Variants in IQUB observed in about 807,000 individuals in gnomAD.
IQUB encodes the protein IQ motif and ubiquitin-like domain-containing protein.
A neutral mutation model predicts 86.4 loss-of-function variants in IQUB; 86 were observed. That is an observed-to-expected ratio of 1.00 (90% CI 0.84 to 1.19). The LOEUF is 1.19. Among genes scored for constraint, IQUB ranks in the 50% most tolerant of loss-of-function variants. IQUB has a pLI of 0.00. For synonymous variants in IQUB, 289 were observed against 304.5 expected, an observed-to-expected ratio of 0.95 and a Z score of 0.53; for missense variants, 946 against 916.9, an observed-to-expected ratio of 1.03 and a Z score of -0.41.
At chr7:123,512,939 G>T (rs949939036) in intron 1 of IQUB, among the ~76,000 whole-genome samples, 1 of 152,150 alleles carries the variant, frequency 6.6e-6, no homozygotes, top group African/African-American at 2.4e-5. Context: ...GCATCTAAAA[G>T]CTTGGGCCAG....
At chr7:123,522,384 C>T (rs537840355) in intron 1 of IQUB, among the ~76,000 whole-genome samples, 6 of 152,300 alleles carry the variant, frequency 3.9e-5, no homozygotes, top group Admixed American at 2.0e-4. Flanking sequence ...TAGGGTAAAA[C>T]GCCAGACCCC....
intron 1 of IQUB, among the ~76,000 whole-genome samples, chr7:123,525,027 A>C (rs1208924329): frequency 4.1e-4 from 63 of 152,258 alleles, no homozygotes; most frequent in Admixed American, 4.1e-3. Context: ...ATATTGAACC[A>C]GGCTTGTATC....
At chr7:123,507,012 T>G (rs1182456713) in intron 3 of IQUB, among the ~76,000 whole-genome samples, 1 of 152,254 alleles carries the variant, frequency 6.6e-6, no homozygotes, top group Non-Finnish European at 1.5e-5. Flanking sequence ...GACTGGCTGC[T>G]GTTTTGTGTC....
chr7:123,471,381 G>C (rs1240024032), intron 8 of IQUB, among the ~76,000 whole-genome samples: 1 of 152,086 alleles, frequency 6.6e-6, no homozygotes, highest in Non-Finnish European at 1.5e-5. Context: ...GTTTTTAAAG[G>C]CTAGGGCTAA....
intron 1 of IQUB, among the ~76,000 whole-genome samples, chr7:123,515,252 A>G (rs1796591880): frequency 6.6e-6 from 1 of 152,182 alleles, no homozygotes; most frequent in Non-Finnish European, 1.5e-5. Flanking sequence ...ACCCCAAACT[A>G]GCCAAGATGG....
intron 8 of IQUB, among the ~76,000 whole-genome samples, chr7:123,472,115 G>A (rs1452119994): frequency 6.6e-6 from 1 of 151,890 alleles, no homozygotes; most frequent in African/African-American, 2.4e-5. Flanking sequence ...GCACTCACCT[G>A]TAATCCCAGC....
chr7:123,471,865 A>G (rs1364900956), intron 8 of IQUB, among the ~76,000 whole-genome samples: 1 of 152,200 alleles, frequency 6.6e-6, no homozygotes, highest in Non-Finnish European at 1.5e-5. Context: ...CAGTGACTAC[A>G]GGCAATGAAA....
At chr7:123,512,707 A>G (rs1196951221) in intron 1 of IQUB, among the ~76,000 whole-genome samples, 2 of 152,310 alleles carry the variant, frequency 1.3e-5, no homozygotes, top group East Asian at 3.9e-4. Flanking sequence ...TAGCATTACA[A>G]ATGATTAGAA....
At position 123,469,490 on chromosome 7, in the gene IQUB, T is replaced by A. The variant is rs11505955; in HGVS notation, c.1411-106A>T. The A allele has an allele frequency of 4.7e-3, 2,470 of 524,084 alleles. 38 individuals are homozygous for A. The highest frequency in any genetic ancestry group is 0.043 in the African/African-American group (2,211 of 51,216). 32.5% of individuals were successfully genotyped at this position (524,084 alleles called of 1,614,324 possible). ...ACCTTAATATCATGTGCTTTATAAC[T>A]AAAGTATTGCTAAAGCTTATGAAAA... On this transcript the variant is annotated intron_variant, in intron 8 of 12. Coordinates refer to ENST00000324698, the MANE Select transcript of IQUB (RefSeq NM_178827.5).
intron 1 of IQUB, among the ~76,000 whole-genome samples, chr7:123,513,169 A>G (rs1296817502): frequency 6.6e-6 from 1 of 152,184 alleles, no homozygotes; most frequent in Non-Finnish European, 1.5e-5. Flanking sequence ...TTTGAGCACA[A>G]ATCTTTATGG....
intron 8 of IQUB, among the ~76,000 whole-genome samples, chr7:123,470,513 G>A (rs1794471073): frequency 6.6e-6 from 1 of 152,138 alleles, no homozygotes; most frequent in African/African-American, 2.4e-5. Context: ...AGATCATCAG[G>A]AATATGGACT....
chr7:123,452,716 A>G lies in IQUB; in HGVS notation c.*27T>C. On this transcript the variant is annotated 3_prime_UTR_variant, in exon 13 of 13. Coordinates refer to ENST00000324698, the MANE Select transcript of IQUB (RefSeq NM_178827.5). Reference sequence around the variant, plus strand: ...CCTATTAGCAGTGAACAAAATGCCGATCATCAAACAAATACTCCTGGATCA... The same window carrying G: ...CCTATTAGCAGTGAACAAAATGCCGGTCATCAAACAAATACTCCTGGATCA... The G allele has an allele frequency of 2.6e-6, 4 of 1,562,532 alleles. No homozygotes were observed. The highest frequency in any genetic ancestry group is 3.5e-6 in the Non-Finnish European group (4 of 1,139,860).
intron 8 of IQUB, among the ~76,000 whole-genome samples, chr7:123,471,023 C>T (rs868841467): frequency 6.6e-6 from 1 of 152,138 alleles, no homozygotes; most frequent in Non-Finnish European, 1.5e-5. Flanking sequence ...GTAATGGCAT[C>T]ATATTCAGAT....
At chr7:123,512,413 C>T (rs1562869247) in intron 1 of IQUB, 69 bp from the exon 2 acceptor site, 3 of 925,394 alleles carry the variant, frequency 3.2e-6, no homozygotes, top group Non-Finnish European at 4.8e-6. Flanking sequence ...AAATTCATTG[C>T]TAGTATAGAG....
At chr7:123,529,224 T>C (rs1347047629) in intron 1 of IQUB, among the ~76,000 whole-genome samples, 1 of 152,130 alleles carries the variant, frequency 6.6e-6, no homozygotes, top group Non-Finnish European at 1.5e-5. Context: ...TCTATAAAGC[T>C]ACAATTATAT....
intron 1 of IQUB, among the ~76,000 whole-genome samples, chr7:123,530,509 A>T (rs1260265588): frequency 7.9e-5 from 12 of 152,192 alleles, no homozygotes; most frequent in Non-Finnish European, 1.5e-4. Context: ...TCAAAAAATA[A>T]AAAAATTTAA....
At chr7:123,497,057 A>G in intron 6 of IQUB, 151 bp from the exon 7 acceptor site, 4 of 587,800 alleles carry the variant, frequency 6.8e-6, no homozygotes, top group Non-Finnish European at 1.2e-5. Context: ...AAACACTAAC[A>G]TAAAAAACAT....
At chr7:123,528,537 C>A (rs2085426186) in intron 1 of IQUB, among the ~76,000 whole-genome samples, 1 of 152,144 alleles carries the variant, frequency 6.6e-6, no homozygotes, top group African/African-American at 2.4e-5. Context: ...GGATCCAGAA[C>A]CCATGCCCTT....
At chr7:123,483,765 T>A (rs1189042963) in intron 7 of IQUB, among the ~76,000 whole-genome samples, 2 of 152,070 alleles carry the variant, frequency 1.3e-5, no homozygotes, top group Admixed American at 1.3e-4. Context: ...TTTGAGCAGA[T>A]CTATTCTTGG....
Sources: gnomAD v4.1 joint callset for allele counts (sites outside exome capture counted in the v4.1 genomes callset) on GRCh38, gnomAD v4.1.1 for gene constraint, MANE v1.5 for transcripts, NCBI Gene and HGNC (gene_info 2026-07-23, HGNC 2026-07-21) for gene names.